Variants in KCNN2 observed in about 807,000 individuals in gnomAD.
The protein encoded by KCNN2 is potassium calcium-activated channel subfamily N member 2, also known as small conductance calcium-activated potassium channel protein 2.
KCNN2 carries 24 observed loss-of-function variants against 55.5 expected under a neutral mutation model. The ratio of observed to expected loss-of-function variants is 0.43; its 90% CI spans 0.31 to 0.61. KCNN2 has a LOEUF of 0.61. Ranked by LOEUF, KCNN2 falls within the 20% of genes least tolerant of loss-of-function variation. KCNN2 has a pLI of 0.08. For missense variants in KCNN2, 754 were observed against 853.6 expected, an observed-to-expected ratio of 0.88 and a Z score of 1.45; for synonymous variants, 431 against 336.1, an observed-to-expected ratio of 1.28 and a Z score of -3.09.
At chr5:114,453,937 C>T (rs572151857) in intron 3 of KCNN2, among the ~76,000 whole-genome samples, 2 of 152,210 alleles carry the variant, frequency 1.3e-5, no homozygotes, top group African/African-American at 4.8e-5. Flanking sequence ...AAGCCCCACA[C>T]GCATTAGGTA....
intron 2 of KCNN2, among the ~76,000 whole-genome samples, chr5:114,376,526 T>C (rs1268281671): frequency 6.6e-6 from 1 of 152,142 alleles, no homozygotes; most frequent in Non-Finnish European, 1.5e-5. Context: ...AGCAATAGGA[T>C]AGGGAGGCTG....
chr5:114,128,297 G>GA (rs1267395727), intron 1 of KCNN2, among the ~76,000 whole-genome samples: 1 of 152,170 alleles, frequency 6.6e-6, no homozygotes, highest in Non-Finnish European at 1.5e-5. Context: ...CAATCTTGAT[G>GA]AAAGGGGAAG....
At chr5:114,216,377 TG>T (rs1411795790) in intron 1 of KCNN2, among the ~76,000 whole-genome samples, 1 of 152,150 alleles carries the variant, frequency 6.6e-6, no homozygotes, top group African/African-American at 2.4e-5. Context: ...GTTAACACTT[TG>T]GGAAAATGTA....
intron 2 of KCNN2, among the ~76,000 whole-genome samples, chr5:114,237,256 TCA>T (rs10643853): frequency 0.077 from 10,679 of 138,352 alleles, 537 homozygotes; most frequent in African/African-American, 0.15. Context: ...TTGTCAAAAT[TCA>T]CACACACACA....
At chr5:114,172,613 T>C (rs1156464849) in intron 1 of KCNN2, among the ~76,000 whole-genome samples, 1 of 148,254 alleles carries the variant, frequency 6.7e-6, no homozygotes, top group East Asian at 1.9e-4. Flanking sequence ...TATTATAGTT[T>C]ATATAACATA....
intron 1 of KCNN2, among the ~76,000 whole-genome samples, chr5:114,114,854 T>G (rs751913225): frequency 2.0e-5 from 3 of 152,128 alleles, no homozygotes; most frequent in Non-Finnish European, 2.9e-5. Flanking sequence ...TTTTAGGCAA[T>G]CAAAATATTT....
At chr5:114,459,575 T>C (rs1761097083) in intron 3 of KCNN2, among the ~76,000 whole-genome samples, 1 of 152,122 alleles carries the variant, frequency 6.6e-6, no homozygotes, top group Non-Finnish European at 1.5e-5. Flanking sequence ...AAATAGGGGA[T>C]TATTCTAATA....
chr5:114,473,244 C>T (rs1178504824), intron 5 of KCNN2, 80 bp downstream of exon 5: 1 of 898,858 alleles, frequency 1.1e-6, no homozygotes, highest in Non-Finnish European at 1.8e-6. Flanking sequence ...TTTATTTTGA[C>T]ATCCGAAGCT....
intron 1 of KCNN2, among the ~76,000 whole-genome samples, chr5:114,184,547 G>A (rs1418022836): frequency 4.6e-5 from 7 of 152,024 alleles, no homozygotes; most frequent in Non-Finnish European, 8.8e-5. Flanking sequence ...TTATAGGATG[G>A]CCTTTTGCTA....
At chr5:114,298,277 G>A (rs887207871) in intron 2 of KCNN2, among the ~76,000 whole-genome samples, 1 of 152,216 alleles carries the variant, frequency 6.6e-6, no homozygotes, top group African/African-American at 2.4e-5. Context: ...ACTCTCAGTT[G>A]GAGGACCAAG....
chr5:114,202,601 T>TTTC (rs70976320), intron 1 of KCNN2, among the ~76,000 whole-genome samples: 22 of 141,070 alleles, frequency 1.6e-4, no homozygotes, highest in African/African-American at 5.3e-4. Context: ...TTTTTTTTTT[T>TTTC]CCCGAGACAG....
intron 1 of KCNN2, among the ~76,000 whole-genome samples, chr5:114,196,377 A>C (rs1753558373): frequency 6.6e-6 from 1 of 152,094 alleles, no homozygotes; most frequent in Non-Finnish European, 1.5e-5. Flanking sequence ...ACATCATAGA[A>C]TAATTTGGGA....
intron 1 of KCNN2, among the ~76,000 whole-genome samples, chr5:114,212,834 A>T (rs1287489203): frequency 6.6e-6 from 1 of 152,052 alleles, no homozygotes; most frequent in Non-Finnish European, 1.5e-5. Flanking sequence ...GTCTTGGCCT[A>T]ATTAGTAGTG....
intron 1 of KCNN2, among the ~76,000 whole-genome samples, chr5:114,108,158 T>A (rs1751526488): frequency 6.6e-6 from 1 of 152,176 alleles, no homozygotes; most frequent in African/African-American, 2.4e-5. Context: ...TGGTAGACCT[T>A]CTTATTTCAT....
chr5:114,208,068 A>G (rs150518043), intron 1 of KCNN2, among the ~76,000 whole-genome samples: 1 of 152,302 alleles, frequency 6.6e-6, no homozygotes, highest in Non-Finnish European at 1.5e-5. Context: ...GTCTCTGCAT[A>G]TTAGCATTAC....
At chr5:114,422,257 T>G (rs1300424349) in intron 3 of KCNN2, among the ~76,000 whole-genome samples, 2 of 152,120 alleles carry the variant, frequency 1.3e-5, no homozygotes, top group Admixed American at 1.3e-4. Context: ...ATTTCCAGTG[T>G]GATAATATTT....
rs1480145554 is a variant in KCNN2, at chr5:114,458,919, T to C, written c.1638-4130T>C. ...AAGAGAGCTGTGAAGGATAACAGCA[T>C]ACCTCCCAGCCATTAGTGTGCGGGT... On this transcript the variant is annotated intron_variant, in intron 3 of 7. Coordinates refer to ENST00000673685, the MANE Select transcript of KCNN2 (RefSeq NM_021614.4). Among the ~76,000 whole-genome samples, 3 of 152,292 alleles carry C rather than the reference T, an allele frequency of 2.0e-5. No individual in the cohort carries two copies. In the East Asian group the frequency reaches 5.8e-4, roughly 29 times the overall value.
At chr5:114,477,443 A>C (rs1409033588) in intron 5 of KCNN2, among the ~76,000 whole-genome samples, 1 of 152,204 alleles carries the variant, frequency 6.6e-6, no homozygotes, top group Non-Finnish European at 1.5e-5. Flanking sequence ...TTTATTGTAC[A>C]TCAGCACTGA....
At chr5:114,489,809 G>A (rs1351560150) in intron 6 of KCNN2, among the ~76,000 whole-genome samples, 2 of 152,162 alleles carry the variant, frequency 1.3e-5, no homozygotes, top group Admixed American at 6.6e-5. Context: ...GATCCAGTGA[G>A]ACCCTCGGCC....
Sources: allele counts gnomAD v4.1 joint callset (sites outside exome capture counted in the v4.1 genomes callset), GRCh38; gene constraint gnomAD v4.1.1; transcripts MANE v1.5; gene names NCBI Gene and HGNC (gene_info 2026-07-23, HGNC 2026-07-21).